ABCC1: variants seen among roughly 807,000 people sequenced by gnomAD.
ABCC1 encodes multidrug resistance-associated protein 1.
A neutral mutation model predicts 172.9 loss-of-function variants in ABCC1; 83 were observed. The ratio of observed to expected loss-of-function variants is 0.48; its 90% CI spans 0.40 to 0.58. ABCC1 has a LOEUF of 0.58. Ranked by LOEUF, ABCC1 falls within the 20% of genes least tolerant of loss-of-function variation. The pLI is 0.00. For synonymous variants in ABCC1, 937 were observed against 825.2 expected (o/e 1.14, Z -2.32); for missense variants, 1,817 against 2,002.7 (o/e 0.91, Z 1.77).
intron 7 of ABCC1, among the ~76,000 whole-genome samples, chr16:16,037,345 C>T (rs537087252): frequency 6.6e-6 from 1 of 152,272 alleles, no homozygotes; most frequent in East Asian, 1.9e-4. Flanking sequence ...AGGCTCTACC[C>T]CCTATGTAAG....
chr16:16,045,804 T>C, intron 8 of ABCC1, 32 bp from the exon 9 acceptor site: 3 of 1,608,268 alleles, frequency 1.9e-6, no homozygotes, highest in Non-Finnish European at 2.6e-6. Context: ...GTGTCACAAG[T>C]CATTCCAGGC....
rs2048026401 is a variant in ABCC1 at position 16,017,079 on chromosome 16, GCC to G, written c.615+461_615+462del. Among the ~76,000 whole-genome samples the G allele has an allele frequency of 2.6e-5, 3 of 115,280 alleles. No individual in the cohort carries two copies. The East Asian group carries it at 6.6e-4, about 25-fold the overall frequency. The allele number at this position is 115,280 out of a possible 152,430, so 75.6% of individuals were successfully genotyped here. A position where few individuals can be genotyped will look rare whatever the true frequency, so the allele number is the denominator to read the frequency against. ...TTTCCTCACTTGTGGCAAATGCCTG[GCC>G]CCTGAGGGATTTGAGTGTGAGATCC... On this transcript the variant is annotated intron_variant, in intron 5 of 30. Transcript: ENST00000399410.
At chr16:16,045,402 A>G (rs1258451436) in intron 8 of ABCC1, among the ~76,000 whole-genome samples, 9 of 150,798 alleles carry the variant, frequency 6.0e-5, no homozygotes, top group Admixed American at 5.9e-4. Context: ...TCTCAAAAAA[A>G]AAAAAAAAAA....
intron 26 of ABCC1, among the ~76,000 whole-genome samples, chr16:16,129,857 G>A (rs2045607563): frequency 1.3e-5 from 2 of 152,150 alleles, no homozygotes; most frequent in South Asian, 2.1e-4. Context: ...TTTATAGCAC[G>A]TCCACAAAAG....
intron 1 of ABCC1, among the ~76,000 whole-genome samples, chr16:15,992,098 C>T (rs1188585374): frequency 6.6e-6 from 1 of 151,980 alleles, no homozygotes; most frequent in South Asian, 2.1e-4. Flanking sequence ...GGAGCGCGAA[C>T]CCTGCTGTGA....
At position 16,051,810 on chromosome 16, in the gene ABCC1, T is replaced by A. The variant is rs116254705; in HGVS notation, c.1381-914T>A. 2.2e-3 allele frequency among the ~76,000 whole-genome samples: 341 copies of A among 152,304 alleles called. 2 individuals carry two copies. The highest frequency in any genetic ancestry group is 7.4e-3 in the African/African-American group (306 of 41,578). Reference sequence around the variant, plus strand: ...CACACTGAGCTACTCTACCCAATTCTGTTAATGGTGGAAACCCTGTAAGTA... The same window carrying A: ...CACACTGAGCTACTCTACCCAATTCAGTTAATGGTGGAAACCCTGTAAGTA... On this transcript the variant is annotated intron_variant, in intron 10 of 30. Coordinates refer to ENST00000399410, the MANE Select transcript of ABCC1 (RefSeq NM_004996.4).
chr16:16,036,265 C>G (rs1048006161), intron 6 of ABCC1, among the ~76,000 whole-genome samples: 1 of 151,668 alleles, frequency 6.6e-6, no homozygotes, highest in African/African-American at 2.4e-5. Flanking sequence ...CATGACCCAA[C>G]AGAATGAGCT....
intron 3 of ABCC1, among the ~76,000 whole-genome samples, chr16:16,012,226 G>A (rs1453449038): frequency 6.6e-6 from 1 of 152,172 alleles, no homozygotes; most frequent in Admixed American, 6.6e-5. Flanking sequence ...GAGAGGAGAA[G>A]GACTGGCCCA....
rs2046463764 is a variant in ABCC1 at position 15,975,403 on chromosome 16, GTTATT to G, written c.48+25606_48+25610del. Reference sequence around the variant, plus strand: ...ACACGTTGTTCCTTTTCTTGCTGGAGTTATTTCCTTTAGACTCCTGTCCCTAAAGT... The same window carrying G: ...ACACGTTGTTCCTTTTCTTGCTGGAGTCCTTTAGACTCCTGTCCCTAAAGT... On this transcript the variant is annotated intron_variant, in intron 1 of 30. Transcript: ENST00000399410. Among the ~76,000 whole-genome samples the G allele has an allele frequency of 2.0e-5, 3 of 152,210 alleles. No homozygotes were observed. In the South Asian group the frequency reaches 6.2e-4, roughly 32 times the overall value.
At chr16:15,984,448 C>CGGTTT (rs61396501) in intron 1 of ABCC1, among the ~76,000 whole-genome samples, 9 of 146,950 alleles carry the variant, frequency 6.1e-5, no homozygotes, top group South Asian at 2.1e-4. Context: ...TTGATATATA[C>CGGTTT]TTTTTTTTTT....
chr16:15,960,138 A>G (rs991957999), intron 1 of ABCC1, among the ~76,000 whole-genome samples: 1 of 152,122 alleles, frequency 6.6e-6, no homozygotes, highest in African/African-American at 2.4e-5. Flanking sequence ...CTGTCGCCCT[A>G]GCTGATTGTA....
At position 16,014,529 on chromosome 16, in the gene ABCC1, G is replaced by A; in HGVS notation, c.390G>A (p.Lys130=). The part of the protein sequence containing the change: ...ATFLIQLERR[K]GVQSSGIMLT... ...TTTTAATTCAGCTGGAGAGGAGGAA[G>A]GGAGTTCAGTCTTCAGGGATCATGC... Residue 130 remains lysine, a synonymous_variant, in exon 4 of 31, where the codon AAG becomes AAA. Transcript: ENST00000399410. The A allele has an allele frequency of 6.2e-7, 1 of 1,614,144 alleles. No homozygotes were observed. Among genetic ancestry groups the A allele is most frequent in the Non-Finnish European group, 8.5e-7 (1 of 1,180,020 alleles).
chr16:15,969,868 A>C (rs2046327971), intron 1 of ABCC1, among the ~76,000 whole-genome samples: 1 of 152,084 alleles, frequency 6.6e-6, no homozygotes, highest in Non-Finnish European at 1.5e-5. Flanking sequence ...AGGGTCCTGC[A>C]TAGCCCTTAC....
chr16:16,034,066 C>T (rs1014111562), intron 6 of ABCC1, among the ~76,000 whole-genome samples: 14 of 109,646 alleles, frequency 1.3e-4, no homozygotes, highest in African/African-American at 4.6e-4. Flanking sequence ...TTCGCTCTGT[C>T]GCTGAGGCTG....
chr16:16,065,020 A>T (rs1268239266), intron 12 of ABCC1, among the ~76,000 whole-genome samples: 2 of 152,306 alleles, frequency 1.3e-5, no homozygotes, highest in African/African-American at 4.8e-5. Flanking sequence ...GAAAGACTTG[A>T]TGGAGGTAAA....
chr16:15,991,156 C>G (rs953412148), intron 1 of ABCC1, among the ~76,000 whole-genome samples: 1 of 151,974 alleles, frequency 6.6e-6, no homozygotes, highest in Non-Finnish European at 1.5e-5. Flanking sequence ...TCACTGCTGT[C>G]GTCTCTAGTT....
At chr16:16,057,205 A>G (rs2049696027) in intron 12 of ABCC1, among the ~76,000 whole-genome samples, 1 of 150,522 alleles carries the variant, frequency 6.6e-6, no homozygotes, top group Non-Finnish European at 1.5e-5. Flanking sequence ...AAAAGAAAGA[A>G]AAAAAAAGCT....
chr16:16,018,964 G>A (rs1030092204), intron 5 of ABCC1, among the ~76,000 whole-genome samples: 6 of 152,124 alleles, frequency 3.9e-5, no homozygotes, highest in Non-Finnish European at 8.8e-5. Context: ...GCTGGTGCCT[G>A]ACACAGAAGA....
chr16:16,123,342 A>T (rs1330192154), intron 24 of ABCC1, among the ~76,000 whole-genome samples: 1 of 152,188 alleles, frequency 6.6e-6, no homozygotes, highest in African/African-American at 2.4e-5. Context: ...CTAGCTTTAA[A>T]CAAATAAGAT....
Sources: gnomAD v4.1 joint callset for allele counts (sites outside exome capture counted in the v4.1 genomes callset) on GRCh38, gnomAD v4.1.1 for gene constraint, MANE v1.5 for transcripts, NCBI Gene and HGNC (gene_info 2026-07-23, HGNC 2026-07-21) for gene names.